LILRA2: variants seen among roughly 807,000 people sequenced by gnomAD.
LILRA2 encodes the protein leukocyte immunoglobulin like receptor A2.
Under a neutral mutation model 47.9 loss-of-function variants are expected in LILRA2, and 45 were observed. The observed-to-expected ratio is 0.94, with a 90% CI of 0.74 to 1.20. The LOEUF (loss-of-function observed/expected upper bound fraction) is 1.20. LILRA2 is among the 50% of genes most tolerant of loss of function. LILRA2 has a pLI of 0.00. For missense variants in LILRA2, 651 were observed against 598.2 expected (o/e 1.09, Z -0.92); for synonymous variants, 279 against 249.2 (o/e 1.12, Z -1.13).
Position 54,587,434 on chromosome 19 carries a change from G to T in LILRA2, c.*88G>T, listed in dbSNP as rs550082834. The T allele has an allele frequency of 6.3e-6, 10 of 1,577,734 alleles. No individual in the cohort carries two copies. The South Asian group carries it at 1.0e-4, about 16-fold the overall frequency. On this transcript the variant is annotated 3_prime_UTR_variant, in exon 8 of 8. Coordinates refer to ENST00000391738, the MANE Select transcript of LILRA2 (RefSeq NM_001130917.3). Reference sequence around the variant, plus strand: ...CAGGAGGCTCTGGAGGACAATCTAGGACCTACATTATCTGGACTGTATGCT... The same window carrying T: ...CAGGAGGCTCTGGAGGACAATCTAGTACCTACATTATCTGGACTGTATGCT...
chr19:54,576,029 C>G lies in LILRA2; in HGVS notation c.1175C>G (p.Thr392Ser). The G allele has an allele frequency of 6.2e-7, 1 of 1,613,906 alleles. No individual in the cohort carries two copies. Among genetic ancestry groups the G allele is most frequent in the Non-Finnish European group, 8.5e-7 (1 of 1,179,956 alleles). ...MGPVTSAHVG[T>S]YRCYSSLSSN... ...CCTGTGACCTCAGCCCACGTGGGGA[C>G]CTACAGATGCTACAGCTCACTCAGC... is the stretch of plus-strand genomic sequence containing the variant. Residue 392 changes from threonine (T) to serine (S), a missense_variant, in exon 6 of 8, where the codon ACC becomes AGC. Coordinates refer to ENST00000391738, the MANE Select transcript of LILRA2 (RefSeq NM_001130917.3).
rs182066669 is a variant in LILRA2, at chr19:54,582,948, A to T, written c.1256-4062A>T. ...AATTTCCCTCTACACACTGCTTTAA[A>T]TGTGTCCCAGAGATTCTGTTATGTT... On this transcript the variant is annotated intron_variant, in intron 6 of 7. Transcript: ENST00000391738. Among the ~76,000 whole-genome samples, 147 of 152,296 alleles carry T rather than the reference A, an allele frequency of 9.7e-4. No individual in the cohort carries two copies. In the East Asian group the frequency reaches 0.023, roughly 24 times the overall value.
chr19:54,574,468 G>T lies in LILRA2; in HGVS notation c.238G>T (p.Gly80Cys), dbSNP rs1340301908. 6.2e-7 allele frequency: 1 copy of T among 1,614,098 alleles called. No homozygotes were observed. The highest frequency in any genetic ancestry group is 1.1e-5 in the South Asian group (1 of 91,088). The change falls in exon 3 of 8, where the codon GGC (glycine) becomes TGC (cysteine). Residue 80 changes from glycine (G) to cysteine (C), a missense_variant. Physicochemically the swap from Gly to Cys is radical, Grantham distance 159 (BLOSUM62 -3). Transcript: ENST00000391738. The stretch of plus-strand genomic sequence containing the variant: ...ACGGATACAAGAGCCTGGGAAGAAT[G>T]GCCAGTTCCCCATCCCATCCATCAC... ...VRRIQEPGKN[G>C]QFPIPSITWE...
rs766250499 is a variant in LILRA2 at position 54,575,199 on chromosome 19, G to A, written c.656-57G>A. On this transcript the variant is annotated intron_variant, in intron 4 of 7. Coordinates refer to ENST00000391738, the MANE Select transcript of LILRA2 (RefSeq NM_001130917.3). ...CAGGAAGATCAGCGGGGGAGAGGGA[G>A]GGTTTGTGGGGAAGCCTGAGGGTCG... is the stretch of plus-strand genomic sequence containing the variant. The A allele has an allele frequency of 4.0e-5, 62 of 1,554,134 alleles. No individual in the cohort carries two copies. In the East Asian group the frequency reaches 5.6e-4, roughly 14 times the overall value.
chr19:54,585,824 G>A (rs2062784707), intron 6 of LILRA2, among the ~76,000 whole-genome samples: 1 of 152,194 alleles, frequency 6.6e-6, no homozygotes, highest in South Asian at 2.1e-4. Context: ...GTCCCAATGA[G>A]ATAAACCAGG....
intron 4 of LILRA2, 27 bp from the exon 5 acceptor site, chr19:54,575,229 C>T: frequency 6.3e-7 from 1 of 1,588,118 alleles, no homozygotes; most frequent in Non-Finnish European, 8.6e-7. Context: ...GGGTCGGCTC[C>T]TGGAAACCAT....
At chr19:54,577,783 C>T in intron 6 of LILRA2, 1 of 1,063,364 alleles carries the variant, frequency 9.4e-7, no homozygotes, top group Non-Finnish European at 1.2e-6. Context: ...TTTCTGTATG[C>T]ACTTGTCCTT....
At chr19:54,574,604 C>G (rs137868029) in intron 3 of LILRA2, 22 bp downstream of exon 3, 1 of 1,612,398 alleles carries the variant, frequency 6.2e-7, no homozygotes, top group Non-Finnish European at 8.5e-7. Flanking sequence ...CTCAGGAGTC[C>G]CAGCCCCAGG....
intron 6 of LILRA2, among the ~76,000 whole-genome samples, chr19:54,584,968 TC>T (rs961964713): frequency 3.3e-5 from 5 of 152,224 alleles, no homozygotes. Context: ...GGTGTGGATG[TC>T]CTTTTTGTTG....
chr19:54,577,694 G>A, intron 6 of LILRA2: 3 of 1,278,348 alleles, frequency 2.3e-6, no homozygotes, highest in Non-Finnish European at 3.1e-6. Flanking sequence ...AATAAGGAGG[G>A]GCCCTGCACC....
chr19:54,577,398 G>C, intron 6 of LILRA2: 4 of 1,173,212 alleles, frequency 3.4e-6, no homozygotes, highest in Non-Finnish European at 4.4e-6. Context: ...AGGAGGAAGA[G>C]AGGCAGGTGA....
At chr19:54,577,445 T>A (rs1600215450) in intron 6 of LILRA2, 1 of 1,271,212 alleles carries the variant, frequency 7.9e-7, no homozygotes, top group Non-Finnish European at 1.0e-6. Flanking sequence ...TATTGGCAGC[T>A]CTCATTTCTC....
chr19:54,587,574 T>C lies in LILRA2; in HGVS notation c.*228T>C. 1.3e-6 allele frequency: 1 copy of C among 753,190 alleles called. No homozygotes were observed. The highest frequency in any genetic ancestry group is 2.0e-5 in the South Asian group (1 of 49,930). The allele number at this position is 753,190 out of a possible 1,614,324, so 46.7% of individuals were successfully genotyped here. A position where few individuals can be genotyped will look rare whatever the true frequency, so the allele number is the denominator to read the frequency against. The stretch of plus-strand genomic sequence containing the variant: ...TTTGTCTATGAATGTTGACTTCCCT[T>C]GACTGGATCCCCTTTTTTTCCCATC... On this transcript the variant is annotated 3_prime_UTR_variant, in exon 8 of 8. Transcript: ENST00000391738.
Position 54,576,262 on chromosome 19 carries a change from CCTCCCACCCCTGG to C in LILRA2, c.1255+166_1255+178del, listed in dbSNP as rs1347306099. Among the ~76,000 whole-genome samples the C allele has an allele frequency of 1.6e-3, 244 of 151,696 alleles. No homozygotes were observed. The South Asian group carries it at 0.037, about 23-fold the overall frequency. ...ATGGGAGAGTGGAAATAGGCAGGGA[CCTCCCACCCCTGG>C]CTCCCACCCCTGAAGTCTCAGTAAA... On this transcript the variant is annotated intron_variant, in intron 6 of 7. Transcript: ENST00000391738.
chr19:54,578,619 A>G (rs2145989578), intron 6 of LILRA2, among the ~76,000 whole-genome samples: 1 of 152,166 alleles, frequency 6.6e-6, no homozygotes, highest in East Asian at 1.9e-4. Context: ...ATGGTTTATA[A>G]CCCTTTGGGT....
rs2062302574 is a variant in LILRA2 at position 54,574,560 on chromosome 19, C to T, written c.330C>T (p.Asp110=). Residue 110 remains aspartate, a synonymous_variant, in exon 3 of 8, where the codon GAC becomes GAT. Transcript: ENST00000391738. ...YSHNHSSEYS[D]PLELVVTGAY... ...ACAATCACTCATCAGAGTACAGTGA[C>T]CCCCTGGAGCTGGTGGTGACAGGTG... 6.2e-7 allele frequency: 1 copy of T among 1,613,838 alleles called. No individual in the cohort carries two copies. The highest frequency in any genetic ancestry group is 8.5e-7 in the Non-Finnish European group (1 of 1,179,846).
chr19:54,574,346 T>C lies in LILRA2; in HGVS notation c.116T>C (p.Ile39Thr), dbSNP rs764988008. 26 of 1,614,138 alleles carry C rather than the reference T, an allele frequency of 1.6e-5. No homozygotes were observed. Among genetic ancestry groups the C allele is most frequent in the Non-Finnish European group, 2.0e-5 (24 of 1,180,042 alleles). The change falls in exon 3 of 8, where the codon ATC (isoleucine) becomes ACC (threonine). Residue 39 changes from isoleucine to threonine, a missense_variant. Physicochemically the swap from Ile to Thr is moderately conservative, Grantham distance 89. Coordinates refer to ENST00000391738, the MANE Select transcript of LILRA2 (RefSeq NM_001130917.3). ...PTLWAEPGSV[I>T]IQGSPVTLRC... ...CTCTGGGCTGAGCCAGGCTCTGTGA[T>C]CATCCAGGGAAGTCCTGTGACCCTC...
intron 6 of LILRA2, 98 bp downstream of exon 6, chr19:54,576,207 C>T (rs796676893): frequency 8.8e-6 from 13 of 1,472,320 alleles, no homozygotes; most frequent in Admixed American, 3.8e-5. Context: ...GGGAGTGAAG[C>T]GGGAGGGTCC....
Position 54,573,806 on chromosome 19 carries a change from C to A in LILRA2, c.-73C>A. 4 of 1,612,406 alleles carry A rather than the reference C, an allele frequency of 2.5e-6. No homozygotes were observed. In the South Asian group the frequency reaches 4.4e-5, roughly 18 times the overall value. On this transcript the variant is annotated 5_prime_UTR_variant, in exon 1 of 8. Coordinates refer to ENST00000391738, the MANE Select transcript of LILRA2 (RefSeq NM_001130917.3). ...GGATCCAGCCTCCGAGTGTCCACAC[C>A]CTGTGCGTCTCTCTGTCCTGCCAGC...
Sources: allele counts gnomAD v4.1 joint callset (sites outside exome capture counted in the v4.1 genomes callset), GRCh38; gene constraint gnomAD v4.1.1; transcripts MANE v1.5; gene names NCBI Gene and HGNC (gene_info 2026-07-23, HGNC 2026-07-21).